The following HABP2 variants were observed in gnomAD, a reference collection of about 807,000 sequenced individuals.
The protein encoded by HABP2 is hyaluronan binding protein 2.
HABP2 carries 65 observed loss-of-function variants against 66.5 expected under a neutral mutation model. The ratio of observed to expected loss-of-function variants is 0.98; its 90% confidence interval spans 0.80 to 1.20. The LOEUF (loss-of-function observed/expected upper bound fraction) is 1.20, where lower values mean the gene tolerates loss of function less well. HABP2 is among the 50% of genes most tolerant of loss of function. The pLI, the probability that HABP2 is intolerant of heterozygous loss-of-function variation, is 0.00. For missense variants in HABP2, 786 were observed against 691.0 expected (o/e 1.14, Z -1.54); for synonymous variants, 263 against 253.9 (o/e 1.04, Z -0.34).
intron 12 of HABP2, 122 bp downstream of exon 12, chr10:113,586,060 A>AC: frequency 3.6e-6 from 3 of 843,778 alleles, no homozygotes; most frequent in Non-Finnish European, 5.7e-6. Flanking sequence ...TAAAGCTAAG[A>AC]CACAGGTGAG....
chr10:113,570,145 C>A (rs960112118), intron 2 of HABP2: 2 of 152,192 alleles, frequency 1.3e-5, no homozygotes, highest in Non-Finnish European at 2.9e-5. Flanking sequence ...GCAAATAAAA[C>A]TTGGAGTTAG....
At chr10:113,563,196 CT>C (rs1673179515) in intron 1 of HABP2, among the ~76,000 whole-genome samples, 2 of 152,180 alleles carry the variant, frequency 1.3e-5, no homozygotes. Flanking sequence ...TTCCATCGAT[CT>C]TTCTCTTTGA....
At chr10:113,552,877 G>T (rs994325105), upstream of HABP2, 1 of 407,004 alleles carries the variant, frequency 2.5e-6, no homozygotes, top group Non-Finnish European at 4.5e-6. Context: ...ACTTTCTTTG[G>T]AGAGTTTCTC....
chr10:113,575,361 G>A (rs1845389406), intron 3 of HABP2, among the ~76,000 whole-genome samples: 1 of 152,200 alleles, frequency 6.6e-6, no homozygotes, highest in South Asian at 2.1e-4. Flanking sequence ...GAAAGATGAA[G>A]GCCACTGGGT....
chr10:113,581,946 G>A lies in HABP2; in HGVS notation c.909G>A (p.Lys303=), dbSNP rs370545578. The A allele has an allele frequency of 5.0e-6, 8 of 1,614,220 alleles. No individual in the cohort carries two copies. The highest frequency in any genetic ancestry group is 1.3e-5 in the African/African-American group (1 of 75,068). The change falls in exon 9 of 13, where the codon AAG becomes AAA. Residue 303 remains lysine (K), a synonymous_variant. Transcript: ENST00000351270. ...TTCCGGGGTTTGACTCCTGTGGAAA[G>A]ACTGAGATAGCAGAGAGGAAGATCA... The part of the protein sequence containing the change: ...TKLPGFDSCG[K]TEIAERKIKR...
chr10:113,577,349 A>G (rs1845430612), intron 5 of HABP2, 83 bp downstream of exon 5: 1 of 765,640 alleles, frequency 1.3e-6, no homozygotes, highest in Admixed American at 2.0e-5. Flanking sequence ...GGCCAGATGC[A>G]TCTGATGTTT....
rs1031348609 is a variant in HABP2, at chr10:113,558,331, C to G, written c.69+5141C>G. Among the ~76,000 whole-genome samples, 64 of 152,356 alleles carry G rather than the reference C, an allele frequency of 4.2e-4. No homozygotes were observed. In the Middle Eastern group the frequency reaches 0.01, roughly 24 times the overall value. ...CTTTTGTTAAAGACTCACCTTTTCTCTACCTAAATTGATTTAGTTCTAAAG... is the reference window on the plus strand; with the variant it reads ...CTTTTGTTAAAGACTCACCTTTTCTGTACCTAAATTGATTTAGTTCTAAAG... On this transcript the variant is annotated intron_variant, in intron 1 of 12. Coordinates refer to ENST00000351270, the MANE Select transcript of HABP2 (RefSeq NM_004132.5).
At chr10:113,583,501 G>C (rs757938848) in intron 10 of HABP2, 143 bp downstream of exon 10, 7 of 712,280 alleles carry the variant, frequency 9.8e-6, no homozygotes, top group Non-Finnish European at 1.7e-5. Context: ...ATGTATTCCA[G>C]GGATTTTTAG....
At chr10:113,551,110 C>A (rs1844890909), upstream of HABP2, 1 of 152,172 alleles carries the variant, frequency 6.6e-6, no homozygotes. Context: ...ATAACATGTC[C>A]AACTGTCACA....
intron 1 of HABP2, among the ~76,000 whole-genome samples, chr10:113,563,364 T>A (rs2133750098): frequency 6.6e-6 from 1 of 152,244 alleles, no homozygotes; most frequent in Middle Eastern, 3.4e-3. Context: ...TAGGCATAAG[T>A]AATTGACTAT....
rs747885404 is a variant in HABP2 at position 113,578,672 on chromosome 10, AAATG to A, written c.618_621del (p.Met206IlefsTer60). 6.2e-7 allele frequency: 1 copy of A among 1,612,786 alleles called. No homozygotes were observed. The highest frequency in any genetic ancestry group is 8.5e-7 in the Non-Finnish European group (1 of 1,178,834). ...GGCGATGGCTACTCTTACCGAGGGA[AAATG>A]AATAGGACAGTCAACCAGCATGCGT... is the stretch of plus-strand genomic sequence containing the variant. On this transcript the variant is annotated frameshift_variant, in exon 7 of 13. Coordinates refer to ENST00000351270, the MANE Select transcript of HABP2 (RefSeq NM_004132.5). LOFTEE classifies it high-confidence loss of function.
rs145980446 is a variant in HABP2 at position 113,578,076 on chromosome 10, C to G, written c.499C>G (p.Arg167Gly). 1 of 1,614,060 alleles carries G rather than the reference C, an allele frequency of 6.2e-7. No individual in the cohort carries two copies. ...CTGCCAGAATGGGGCTACCTGCTCC[C>G]GGCATAAGCGGAGATCCAAGTTCAC... ...NPCQNGATCS[R>G]HKRRSKFTCA... Residue 167 changes from arginine to glycine, a missense_variant, in exon 6 of 13, where the codon CGG becomes GGG. By Grantham distance (125) the Arg-to-Gly change is moderately radical. Transcript: ENST00000351270.
chr10:113,558,915 C>T (rs188154484), intron 1 of HABP2, among the ~76,000 whole-genome samples: 24 of 152,116 alleles, frequency 1.6e-4, no homozygotes, highest in Middle Eastern at 3.4e-3. Flanking sequence ...AGTGCAATGG[C>T]GCAATCTTGG....
In HABP2 at chr10:113,588,463, G is replaced by C; in HGVS notation, c.*94G>C. The C allele has an allele frequency of 1.1e-6, 1 of 907,108 alleles. No individual in the cohort carries two copies. Among genetic ancestry groups the C allele is most frequent in the East Asian group, 2.5e-5 (1 of 39,340 alleles). 56.2% of individuals were successfully genotyped at this position (907,108 alleles called of 1,614,324 possible). On this transcript the variant is annotated 3_prime_UTR_variant, in exon 13 of 13. Transcript: ENST00000351270. ...CAATGGACACCTCCAGAGCCTCCAG[G>C]GGACCACACAGTAGACTATCCCTAC...
At chr10:113,563,551 G>A (rs919464987) in intron 1 of HABP2, among the ~76,000 whole-genome samples, 20 of 145,158 alleles carry the variant, frequency 1.4e-4, no homozygotes, top group African/African-American at 4.9e-4. Context: ...TCGGCTTCAG[G>A]CTCCCCGAGA....
At position 113,577,036 on chromosome 10, in the gene HABP2, C is replaced by T. The variant is rs553293402; in HGVS notation, c.332-114C>T. ...GGCATAGCCCAGTGTTTCAGGACCA[C>T]GGACAAGGCTACAGACACTGTCAGT... On this transcript the variant is annotated intron_variant, in intron 4 of 12. Transcript: ENST00000351270. 237 of 714,202 alleles carry T rather than the reference C, an allele frequency of 3.3e-4. No individual in the cohort carries two copies. In the African/African-American group the frequency reaches 3.8e-3, roughly 12 times the overall value. The allele number at this position is 714,202 out of a possible 1,614,324, so 44.2% of individuals were successfully genotyped here.
At position 113,588,248 on chromosome 10, in the gene HABP2, A is replaced by T; in HGVS notation, c.1562A>T (p.Tyr521Phe). The T allele has an allele frequency of 1.9e-6, 3 of 1,613,360 alleles. No homozygotes were observed. The highest frequency in any genetic ancestry group is 2.5e-6 in the Non-Finnish European group (3 of 1,179,576). ...GPLTCEKDGT[Y>F]YVYGIVSWGL... ...CTGACCTGTGAGAAGGACGGCACCT[A>T]CTACGTCTATGGGATAGTGAGCTGG... The change falls in exon 13 of 13, where the codon TAC becomes TTC. Residue 521 changes from tyrosine to phenylalanine, a missense_variant. Transcript: ENST00000351270.
chr10:113,560,414 G>C (rs908218289), intron 1 of HABP2, among the ~76,000 whole-genome samples: 4 of 152,194 alleles, frequency 2.6e-5, no homozygotes, highest in African/African-American at 9.7e-5. Flanking sequence ...CTCAGGCCTC[G>C]CTGGTAGGTA....
intron 3 of HABP2, among the ~76,000 whole-genome samples, chr10:113,575,189 C>G (rs11575748): frequency 3.9e-5 from 6 of 152,136 alleles, no homozygotes; most frequent in African/African-American, 1.4e-4. Context: ...AAGGGACCAT[C>G]AAAACAAGAG....
Sources: gnomAD v4.1 joint callset for allele counts (sites outside exome capture counted in the v4.1 genomes callset) on GRCh38, gnomAD v4.1.1 for gene constraint, MANE v1.5 for transcripts, NCBI Gene and HGNC (gene_info 2026-07-23, HGNC 2026-07-21) for gene names.